Variants in PRKN observed in about 807,000 individuals in gnomAD.
The protein encoded by PRKN is parkin RBR E3 ubiquitin protein ligase, also known as E3 ubiquitin-protein ligase parkin.
Under a neutral mutation model 59.5 loss-of-function variants are expected in PRKN, and 56 were observed. That is an observed-to-expected ratio of 0.94 (90% confidence interval 0.76 to 1.18). The LOEUF (loss-of-function observed/expected upper bound fraction) is 1.18. PRKN is among the 50% of genes most tolerant of loss of function. The probability of loss-of-function intolerance (pLI) is 0.00; values close to 1 mark genes in which losing one functional copy is unlikely to be tolerated. For missense variants in PRKN, 657 were observed against 596.4 expected, an observed-to-expected ratio of 1.10 and a Z score of -1.06; for synonymous variants, 250 against 222.1, an observed-to-expected ratio of 1.13 and a Z score of -1.12.
chr6:161,900,441 T>TTA (rs1562376644), intron 6 of PRKN, among the ~76,000 whole-genome samples: 3 of 143,048 alleles, frequency 2.1e-5, no homozygotes, highest in African/African-American at 7.7e-5. Context: ...ATATATATTT[T>TTA]TATATATATA....
At chr6:161,759,838 A>C (rs4383787) in intron 7 of PRKN, among the ~76,000 whole-genome samples, 130,435 of 151,940 alleles carry the variant, frequency 0.86, 56,301 homozygotes, top group East Asian at 0.97. Flanking sequence ...AGAAATATGT[A>C]CACCTGAACA....
chr6:161,913,281 G>A (rs1778436198), intron 6 of PRKN, among the ~76,000 whole-genome samples: 1 of 151,510 alleles, frequency 6.6e-6, no homozygotes. Context: ...AAAAGACTAA[G>A]CAATACATAT....
intron 7 of PRKN, among the ~76,000 whole-genome samples, chr6:161,769,867 T>C (rs933312923): frequency 3.3e-5 from 5 of 152,130 alleles, no homozygotes; most frequent in Non-Finnish European, 5.9e-5. Flanking sequence ...AGAATTATGC[T>C]GCGGTTGTGT....
At chr6:162,439,999 T>C (rs1185303906) in intron 2 of PRKN, among the ~76,000 whole-genome samples, 1 of 152,162 alleles carries the variant, frequency 6.6e-6, no homozygotes. Flanking sequence ...GAGTCAACTG[T>C]ACAATATGCA....
intron 7 of PRKN, among the ~76,000 whole-genome samples, chr6:161,660,851 A>G (rs1784518034): frequency 6.6e-6 from 1 of 152,096 alleles, no homozygotes; most frequent in Non-Finnish European, 1.5e-5. Flanking sequence ...TGGATGCTGA[A>G]TCTCAAACTA....
Position 162,020,332 on chromosome 6 carries a change from C to CAAAAAAAAAAAAAAAAAAAA in PRKN, c.618+33739_618+33758dup, listed in dbSNP as rs771141235. 8.4e-4 allele frequency among the ~76,000 whole-genome samples: 38 copies of CAAAAAAAAAAAAAAAAAAAA among 45,506 alleles called. 3 individuals are homozygous for CAAAAAAAAAAAAAAAAAAAA. Among genetic ancestry groups the CAAAAAAAAAAAAAAAAAAAA allele is most frequent in the East Asian group, 1.7e-3 (1 of 580 alleles). The allele number at this position is 45,506 out of a possible 152,430, so 29.9% of individuals were successfully genotyped here. A position where few individuals can be genotyped will look rare whatever the true frequency, so the allele number is the denominator to read the frequency against. On this transcript the variant is annotated intron_variant, in intron 5 of 11. Coordinates refer to ENST00000366898, the MANE Select transcript of PRKN (RefSeq NM_004562.3). ...AATGCTGACTAAGTGACCAATGAAT[C>CAAAAAAAAAAAAAAAAAAAA]AAAAAAAAAAAAAAAAAAAAAAAAA...
At position 162,441,771 on chromosome 6, in the gene PRKN, CAT is replaced by C. The variant is rs746108548; in HGVS notation, c.171+1537_171+1538del. On this transcript the variant is annotated intron_variant, in intron 2 of 11. Transcript: ENST00000366898. ...GTCAAAATAGACTCATAAATCAACA[CAT>C]GTCTTAGGCATATATGTTTGCAAAG... Among the ~76,000 whole-genome samples, 9 of 152,150 alleles carry C rather than the reference CAT, an allele frequency of 5.9e-5. No homozygotes were observed. In the South Asian group the frequency reaches 1.0e-3, roughly 18 times the overall value.
At chr6:162,467,434 T>G (rs1417094014) in intron 1 of PRKN, among the ~76,000 whole-genome samples, 1 of 152,090 alleles carries the variant, frequency 6.6e-6, no homozygotes, top group Non-Finnish European at 1.5e-5. Flanking sequence ...TCATCCAGCC[T>G]CCACTGAATG....
At chr6:162,541,275 T>C (rs954495944) in intron 1 of PRKN, among the ~76,000 whole-genome samples, 3 of 152,142 alleles carry the variant, frequency 2.0e-5, no homozygotes, top group African/African-American at 7.2e-5. Context: ...TCATTTCATA[T>C]AGGGTGATCA....
chr6:162,244,150 C>T (rs1267037247), intron 3 of PRKN, among the ~76,000 whole-genome samples: 1 of 152,104 alleles, frequency 6.6e-6, no homozygotes, highest in African/African-American at 2.4e-5. Context: ...TCTGGTTCAG[C>T]AGCTAAGTGG....
chr6:162,405,628 T>A (rs1222794760), intron 2 of PRKN, among the ~76,000 whole-genome samples: 1 of 152,066 alleles, frequency 6.6e-6, no homozygotes, highest in African/African-American at 2.4e-5. Flanking sequence ...GGTGATCAAG[T>A]TAAAATGAAC....
At chr6:161,851,574 T>G (rs1269431753) in intron 6 of PRKN, among the ~76,000 whole-genome samples, 3 of 151,734 alleles carry the variant, frequency 2.0e-5, no homozygotes, top group Admixed American at 6.6e-5. Flanking sequence ...CTCGGCCTGA[T>G]GGGCTCAAGT....
intron 1 of PRKN, among the ~76,000 whole-genome samples, chr6:162,589,900 T>G (rs1015981942): frequency 6.6e-6 from 1 of 152,240 alleles, no homozygotes; most frequent in Non-Finnish European, 1.5e-5. Context: ...CAACAGCATC[T>G]GGCACAGTAT....
intron 7 of PRKN, among the ~76,000 whole-genome samples, chr6:161,636,300 AG>A (rs1783518227): frequency 6.6e-6 from 1 of 152,242 alleles, no homozygotes; most frequent in South Asian, 2.1e-4. Flanking sequence ...ATTTGTGGGC[AG>A]GAGGCTCAGA....
chr6:162,162,845 T>C (rs1486324445), intron 4 of PRKN, among the ~76,000 whole-genome samples: 1 of 146,250 alleles, frequency 6.8e-6, no homozygotes, highest in African/African-American at 2.6e-5. Context: ...CCATCTCTAC[T>C]AAAAATACAA....
chr6:161,922,897 T>TA (rs113578194), intron 6 of PRKN, among the ~76,000 whole-genome samples: 90 of 152,344 alleles, frequency 5.9e-4, no homozygotes, highest in African/African-American at 2.1e-3. Flanking sequence ...AATTAACTCA[T>TA]AAAAAATGCA....
At chr6:162,086,548 G>A (rs1204426635) in intron 4 of PRKN, among the ~76,000 whole-genome samples, 3 of 152,088 alleles carry the variant, frequency 2.0e-5, no homozygotes, top group African/African-American at 7.2e-5. Context: ...ATGTTTTTCT[G>A]TATTTATCAA....
chr6:162,452,401 G>A (rs1390246252), intron 1 of PRKN, among the ~76,000 whole-genome samples: 1 of 143,680 alleles, frequency 7.0e-6, no homozygotes, highest in East Asian at 2.3e-4. Flanking sequence ...CAGATGACTG[G>A]GTAAAGCAGA....
intron 6 of PRKN, among the ~76,000 whole-genome samples, chr6:161,965,828 T>C (rs1324888729): frequency 6.6e-6 from 1 of 152,052 alleles, no homozygotes; most frequent in African/African-American, 2.4e-5. Context: ...AAGGGAATGT[T>C]CAGGTTAAGA....
Sources: gnomAD v4.1 joint callset for allele counts (sites outside exome capture counted in the v4.1 genomes callset) on GRCh38, gnomAD v4.1.1 for gene constraint, MANE v1.5 for transcripts, NCBI Gene and HGNC (gene_info 2026-07-23, HGNC 2026-07-21) for gene names.